CAVIN4: variants seen among roughly 807,000 people sequenced by gnomAD.
CAVIN4 encodes caveolae associated protein 4.
Under a neutral mutation model 18.6 loss-of-function variants are expected in CAVIN4, and 10 were observed. The observed-to-expected ratio is 0.54, with a 90% CI of 0.33 to 0.91. The LOEUF is 0.91. CAVIN4 is among the 40% of genes least tolerant of loss of function. The pLI is 0.02. For missense variants in CAVIN4, 459 were observed against 440.5 expected, an observed-to-expected ratio of 1.04 and a Z score of -0.38; for synonymous variants, 173 against 164.8, an observed-to-expected ratio of 1.05 and a Z score of -0.38.
upstream of CAVIN4, chr9:100,576,889 A>G (rs1193472732): frequency 4.1e-6 from 1 of 244,118 alleles, no homozygotes; most frequent in African/African-American, 2.2e-5. Context: ...CTACTTCACA[A>G]ATGGTTATAA....
In CAVIN4 at chr9:100,582,116, G is replaced by A. The variant is rs141007446; in HGVS notation, c.408+3565G>A. 4.2e-3 allele frequency among the ~76,000 whole-genome samples: 636 copies of A among 152,182 alleles called. 6 individuals carry two copies. The highest frequency in any genetic ancestry group is 0.014 in the African/African-American group (598 of 41,514). ...TGAATAGATTTAATCTGGATCTCAC[G>A]TGGGGGCACAGTTTCTTTTAGAAAT... On this transcript the variant is annotated intron_variant, in intron 1 of 1. Coordinates refer to ENST00000307584, the MANE Select transcript of CAVIN4 (RefSeq NM_001018116.2).
chr9:100,585,809 A>G lies in CAVIN4; in HGVS notation c.453A>G (p.Arg151=). Residue 151 remains arginine, a synonymous_variant, in exon 2 of 2, where the codon AGA becomes AGG. Transcript: ENST00000307584. ...CPTSLSVVKD[R]NLTENQEEDD... ...CATCCCTGTCTGTTGTTAAAGACAG[A>G]AACCTAACTGAGAACCAAGAAGAGG... The G allele has an allele frequency of 6.2e-7, 1 of 1,614,182 alleles. No individual in the cohort carries two copies. Among genetic ancestry groups the G allele is most frequent in the Non-Finnish European group, 8.5e-7 (1 of 1,180,018 alleles).
At chr9:100,585,734 A>T in intron 1 of CAVIN4, 31 bp from the exon 2 acceptor site, 2 of 1,565,654 alleles carry the variant, frequency 1.3e-6, no homozygotes, top group Non-Finnish European at 1.8e-6. Context: ...CAAAGGAAGC[A>T]CTAATATGCT....
At chr9:100,585,656 G>A (rs1431585770) in intron 1 of CAVIN4, 109 bp from the exon 2 acceptor site, 1 of 832,670 alleles carries the variant, frequency 1.2e-6, no homozygotes, top group Admixed American at 2.0e-5. Context: ...TAAGGAGCAG[G>A]CAGAGGATAA....
rs749739234 is a variant in CAVIN4 at position 100,586,359 on chromosome 9, C to G, written c.1003C>G (p.Pro335Ala). The G allele has an allele frequency of 1.2e-6, 2 of 1,613,940 alleles. No individual in the cohort carries two copies. Among genetic ancestry groups the G allele is most frequent in the Non-Finnish European group, 1.7e-6 (2 of 1,179,980 alleles). ...VYPPHEGREI[P>A]TPEPLKVTFK... is the part of the protein sequence containing the mutation. The stretch of plus-strand genomic sequence containing the variant: ...TCCTCCCCATGAAGGAAGGGAAATC[C>G]CCACCCCCGAGCCTTTAAAAGTTAC... The change falls in exon 2 of 2, where the codon CCC becomes GCC. Residue 335 changes from proline to alanine, a missense_variant. Pro to Ala is a conservative substitution (Grantham distance 27, BLOSUM62 -1). Transcript: ENST00000307584.
In CAVIN4 at chr9:100,578,304, T is replaced by G. The variant is rs753524431; in HGVS notation, c.161T>G (p.Ile54Arg). 2.5e-6 allele frequency: 4 copies of G among 1,613,866 alleles called. No individual in the cohort carries two copies. In the African/African-American group the frequency reaches 5.3e-5, roughly 22 times the overall value. Residue 54 changes from isoleucine to arginine, a missense_variant, in exon 1 of 2, where the codon ATA becomes AGA. Transcript: ENST00000307584. ...AGTGTGCAGGCAAGCCAGAAGAGAA[T>G]AGAAGAGAGACACAGGGAAATGGAA... ...VDSVQASQKR[I>R]EERHREMENA...
At chr9:100,581,955 A>G (rs1051838488) in intron 1 of CAVIN4, among the ~76,000 whole-genome samples, 3 of 152,196 alleles carry the variant, frequency 2.0e-5, no homozygotes, top group African/African-American at 7.2e-5. Context: ...AGACTCTCTA[A>G]TCCTATAGCC....
chr9:100,578,059 C>T (rs1839384365), upstream of CAVIN4: 8 of 1,404,056 alleles, frequency 5.7e-6, no homozygotes, highest in South Asian at 8.2e-5. Context: ...TTAAACAACC[C>T]TGTTGCCTGT....
At chr9:100,577,854 G>C (rs1587865182), upstream of CAVIN4, among the ~76,000 whole-genome samples, 1 of 152,088 alleles carries the variant, frequency 6.6e-6, no homozygotes, top group Admixed American at 6.6e-5. Context: ...TAGTTACATG[G>C]TGGCTTTAGT....
At chr9:100,584,605 G>A (rs184255813) in intron 1 of CAVIN4, among the ~76,000 whole-genome samples, 23 of 152,336 alleles carry the variant, frequency 1.5e-4, no homozygotes, top group Admixed American at 1.4e-3. Context: ...ATAAACAGAG[G>A]TATGTATGTG....
rs767549862 is a variant in CAVIN4, at chr9:100,585,763, A to ACC, written c.409-2_409-1insCC. The ACC allele has an allele frequency of 1.7e-5, 28 of 1,613,388 alleles. No homozygotes were observed. The highest frequency in any genetic ancestry group is 1.2e-4 in the Admixed American group (7 of 59,992). ...ATATGCTTTGTTTTTTCTCTCCTTC[A>ACC]GGAGAAGTTTCGGTGTCCGACATCC... is the stretch of plus-strand genomic sequence containing the variant. On this transcript the variant is annotated splice_acceptor_variant, in intron 1 of 1. Transcript: ENST00000307584. LOFTEE classifies it high-confidence loss of function.
chr9:100,578,237 A>G lies in CAVIN4; in HGVS notation c.94A>G (p.Thr32Ala), dbSNP rs769919513. The stretch of plus-strand genomic sequence containing the variant: ...AGATGAAGACCAAGACGCTGCTCTT[A>G]CCATTGTGACTGTGCTGGACAAAGT... ...TEDEDQDAALTIVTVLDKVAS... is the reference protein window; with the variant it reads ...TEDEDQDAALAIVTVLDKVAS... Residue 32 changes from threonine (T) to alanine (A), a missense_variant, in exon 1 of 2, where the codon ACC becomes GCC. Physicochemically the swap from Thr to Ala is moderately conservative, Grantham distance 58. Coordinates refer to ENST00000307584, the MANE Select transcript of CAVIN4 (RefSeq NM_001018116.2). 1 of 1,614,020 alleles carries G rather than the reference A, an allele frequency of 6.2e-7. No individual in the cohort carries two copies. The highest frequency in any genetic ancestry group is 8.5e-7 in the Non-Finnish European group (1 of 1,179,928).
chr9:100,586,392 T>C lies in CAVIN4; in HGVS notation c.1036T>C (p.Ser346Pro). 6.2e-7 allele frequency: 1 copy of C among 1,614,082 alleles called. No individual in the cohort carries two copies. Among genetic ancestry groups the C allele is most frequent in the Non-Finnish European group, 8.5e-7 (1 of 1,180,010 alleles). Residue 346 changes from serine to proline, a missense_variant, in exon 2 of 2, where the codon TCT (serine) becomes CCT (proline). By Grantham distance (74) the Ser-to-Pro change is moderately conservative (BLOSUM62 -1). Transcript: ENST00000307584. ...CGAGCCTTTAAAAGTTACTTTTAAA[T>C]CTCAGGTGAAAGTAGAGGATGATGA... ...TPEPLKVTFK[S>P]QVKVEDDESL...
At chr9:100,577,967 G>T (rs1284869527), upstream of CAVIN4, 2 of 606,280 alleles carry the variant, frequency 3.3e-6, no homozygotes, top group East Asian at 2.9e-5. Context: ...CTTTGCAAGG[G>T]TTCAGATTGC....
rs1323840614 is a variant in CAVIN4 at position 100,587,588 on chromosome 9, T to A, written c.*1137T>A. The A allele has an allele frequency of 6.6e-6, 1 of 152,176 alleles. No individual in the cohort carries two copies. Among genetic ancestry groups the A allele is most frequent in the Admixed American group, 6.5e-5 (1 of 15,278 alleles). The allele number at this position is 152,176 out of a possible 1,614,324, so 9.4% of individuals were successfully genotyped here. ...CCAGGAAGTAGAACAATGTCTATTG[T>A]TGCTAAAGAAAGAAAGAAATGGGCC... On this transcript the variant is annotated 3_prime_UTR_variant, in exon 2 of 2. Coordinates refer to ENST00000307584, the MANE Select transcript of CAVIN4 (RefSeq NM_001018116.2).
intron 1 of CAVIN4, among the ~76,000 whole-genome samples, chr9:100,585,432 G>A (rs538421875): frequency 6.6e-6 from 1 of 152,338 alleles, no homozygotes; most frequent in Admixed American, 6.5e-5. Context: ...CTAAGTTCAA[G>A]ATGACTGTGT....
rs367705879 is a variant in CAVIN4, at chr9:100,585,968, A to G, written c.612A>G (p.Lys204=). ...HIDNIKKAFS[K]ENMQKTRQNL... ...ATAATATCAAGAAGGCATTTTCCAA[A>G]GAAAACATGCAGAAGACACGGCAGA... Residue 204 remains lysine (K), a synonymous_variant, in exon 2 of 2, where the codon AAA becomes AAG. Coordinates refer to ENST00000307584, the MANE Select transcript of CAVIN4 (RefSeq NM_001018116.2). 11 of 1,614,100 alleles carry G rather than the reference A, an allele frequency of 6.8e-6. No individual in the cohort carries two copies. In the African/African-American group the frequency reaches 1.3e-4, roughly 20 times the overall value.
chr9:100,585,485 G>T (rs1839466362), intron 1 of CAVIN4, among the ~76,000 whole-genome samples: 1 of 152,190 alleles, frequency 6.6e-6, no homozygotes, highest in South Asian at 2.1e-4. Flanking sequence ...TCACACATGT[G>T]TCTTCATCTT....
At position 100,586,542 on chromosome 9, in the gene CAVIN4, GA is replaced by G; in HGVS notation, c.*95del. ...TCGTCTACATTTCTGTGCCATGTAG[GA>G]AAACATAAATGTATTTTTTTTCTTA... On this transcript the variant is annotated 3_prime_UTR_variant, in exon 2 of 2. Transcript: ENST00000307584. 1 of 891,802 alleles carries G rather than the reference GA, an allele frequency of 1.1e-6. No individual in the cohort carries two copies. The highest frequency in any genetic ancestry group is 1.7e-6 in the Non-Finnish European group (1 of 596,424). The allele number at this position is 891,802 out of a possible 1,614,324, so 55.2% of individuals were successfully genotyped here. A position where few individuals can be genotyped will look rare whatever the true frequency, so the allele number is the denominator to read the frequency against.
Sources: allele counts gnomAD v4.1 joint callset (sites outside exome capture counted in the v4.1 genomes callset), GRCh38; gene constraint gnomAD v4.1.1; transcripts MANE v1.5; gene names NCBI Gene and HGNC (gene_info 2026-07-23, HGNC 2026-07-21).